The following CRPPA variants were observed in gnomAD, a reference collection of about 807,000 sequenced individuals.
The protein encoded by CRPPA is CDP-L-ribitol pyrophosphorylase A, also known as D-ribitol-5-phosphate cytidylyltransferase.
CRPPA carries 43 observed loss-of-function variants against 52.0 expected under a neutral mutation model. The observed-to-expected ratio is 0.83, with a 90% CI of 0.65 to 1.07. CRPPA has a LOEUF of 1.07. CRPPA is among the 50% of genes least tolerant of loss of function. The pLI is 0.00. For synonymous variants in CRPPA, 250 were observed against 203.5 expected (o/e 1.23, Z -1.94); for missense variants, 629 against 551.7 (o/e 1.14, Z -1.40).
chr7:16,312,093 T>C (rs761266643), intron 3 of CRPPA, among the ~76,000 whole-genome samples: 2 of 152,040 alleles, frequency 1.3e-5, no homozygotes, highest in African/African-American at 2.4e-5. Context: ...AATATTGTGT[T>C]AGCTATTCTA....
At chr7:16,289,538 T>C (rs1784518144) in intron 5 of CRPPA, among the ~76,000 whole-genome samples, 1 of 152,144 alleles carries the variant, frequency 6.6e-6, no homozygotes, top group Admixed American at 6.5e-5. Flanking sequence ...TGCAAATCCA[T>C]AAATGTGATA....
chr7:16,127,172 C>T (rs1427017507), intron 9 of CRPPA, among the ~76,000 whole-genome samples: 2 of 151,900 alleles, frequency 1.3e-5, no homozygotes, highest in African/African-American at 4.8e-5. Flanking sequence ...AATTAGATGC[C>T]AAAAAGCATT....
intron 3 of CRPPA, among the ~76,000 whole-genome samples, chr7:16,326,655 G>C (rs1042368168): frequency 5.3e-5 from 8 of 152,180 alleles, no homozygotes; most frequent in Admixed American, 5.2e-4. Context: ...AAGAGATTCA[G>C]TACCTATCTA....
At chr7:16,394,871 TCC>T (rs1319977266) in intron 2 of CRPPA, among the ~76,000 whole-genome samples, 1 of 152,186 alleles carries the variant, frequency 6.6e-6, no homozygotes, top group Non-Finnish European at 1.5e-5. Context: ...GCTGACTCCA[TCC>T]CTTGCCTTGC....
intron 9 of CRPPA, among the ~76,000 whole-genome samples, chr7:16,139,989 A>T (rs1782836404): frequency 6.6e-6 from 1 of 152,080 alleles, no homozygotes; most frequent in Non-Finnish European, 1.5e-5. Flanking sequence ...TAAGATTACT[A>T]GTATCTTGCC....
chr7:16,141,559 A>G (rs1459267863), intron 9 of CRPPA, among the ~76,000 whole-genome samples: 1 of 152,228 alleles, frequency 6.6e-6, no homozygotes, highest in Non-Finnish European at 1.5e-5. Context: ...TAAAGGGCAT[A>G]TCAAGAAGGC....
intron 2 of CRPPA, among the ~76,000 whole-genome samples, chr7:16,401,655 T>TAA (rs1233432031): frequency 6.6e-6 from 1 of 152,222 alleles, no homozygotes; most frequent in Non-Finnish European, 1.5e-5. Context: ...TGGTCCTTCT[T>TAA]AAAATTATTC....
At chr7:16,254,878 C>T (rs1398769238) in intron 8 of CRPPA, among the ~76,000 whole-genome samples, 1 of 150,816 alleles carries the variant, frequency 6.6e-6, no homozygotes, top group African/African-American at 2.5e-5. Context: ...AAGAGGCAGG[C>T]ACAAGATAAG....
chr7:16,331,802 A>T (rs1785558456), intron 3 of CRPPA, among the ~76,000 whole-genome samples: 1 of 152,218 alleles, frequency 6.6e-6, no homozygotes, highest in African/African-American at 2.4e-5. Flanking sequence ...TGAAAGTGAG[A>T]AGTAAAGATA....
chr7:16,138,783 A>C (rs1396877015), intron 9 of CRPPA, among the ~76,000 whole-genome samples: 1 of 151,926 alleles, frequency 6.6e-6, no homozygotes, highest in Non-Finnish European at 1.5e-5. Flanking sequence ...TTACCCCCCC[A>C]CACATTATTT....
intron 3 of CRPPA, among the ~76,000 whole-genome samples, chr7:16,365,508 G>A (rs949606195): frequency 1.3e-5 from 2 of 152,150 alleles, no homozygotes; most frequent in Non-Finnish European, 2.9e-5. Flanking sequence ...AGTATCACAG[G>A]AGACAGTGAA....
At chr7:16,345,552 T>C (rs1372863343) in intron 3 of CRPPA, among the ~76,000 whole-genome samples, 1 of 152,190 alleles carries the variant, frequency 6.6e-6, no homozygotes, top group Non-Finnish European at 1.5e-5. Flanking sequence ...GTAAACAGTG[T>C]ATAAATATGC....
rs996542143 is a variant in CRPPA, at chr7:16,158,392, G to A, written c.1251+57674C>T. Among the ~76,000 whole-genome samples the A allele has an allele frequency of 2.6e-5, 4 of 151,968 alleles. No individual in the cohort carries two copies. The East Asian group carries it at 7.7e-4, about 29-fold the overall frequency. The stretch of plus-strand genomic sequence containing the variant: ...ACAATATGTAGCAGCAAATATTTAT[G>A]AATAAATTTCTAATGAAATTTCTAA... On this transcript the variant is annotated intron_variant, in intron 9 of 9. Coordinates refer to ENST00000407010, the MANE Select transcript of CRPPA (RefSeq NM_001101426.4).
At chr7:16,168,403 A>C (rs1781110426) in intron 9 of CRPPA, among the ~76,000 whole-genome samples, 1 of 152,134 alleles carries the variant, frequency 6.6e-6, no homozygotes, top group Non-Finnish European at 1.5e-5. Context: ...ACTAAATTGA[A>C]ATAGATTTAT....
rs1385245042 is a variant in CRPPA at position 16,089,803 on chromosome 7, A to T, written c.*1892T>A. ...GAGATAAATTCTTGTCTGCTGTAGG[A>T]TTCCTTAAGCTGAAGTCTATGTTAA... On this transcript the variant is annotated 3_prime_UTR_variant, in exon 10 of 10. Transcript: ENST00000407010. 1 of 174,584 alleles carries T rather than the reference A, an allele frequency of 5.7e-6. No homozygotes were observed. Among genetic ancestry groups the T allele is most frequent in the East Asian group, 1.5e-4 (1 of 6,810 alleles). 10.8% of individuals were successfully genotyped at this position (174,584 alleles called of 1,614,324 possible). A position where few individuals can be genotyped will look rare whatever the true frequency, so the allele number is the denominator to read the frequency against.
chr7:16,175,363 T>G (rs2128386267), intron 9 of CRPPA, among the ~76,000 whole-genome samples: 1 of 152,308 alleles, frequency 6.6e-6, no homozygotes, highest in South Asian at 2.1e-4. Context: ...GTTAAAGTGA[T>G]TCCACTTTTA....
At chr7:16,412,372 G>GT (rs1264559899) in intron 1 of CRPPA, among the ~76,000 whole-genome samples, 2 of 152,282 alleles carry the variant, frequency 1.3e-5, no homozygotes, top group African/African-American at 4.8e-5. Flanking sequence ...TCAAATGTGC[G>GT]TGAGTATATA....
intron 8 of CRPPA, among the ~76,000 whole-genome samples, chr7:16,252,027 T>A (rs890225076): frequency 2.0e-5 from 3 of 151,774 alleles, no homozygotes; most frequent in African/African-American, 7.3e-5. Context: ...ATAGACACAA[T>A]AAAAAATGAT....
intron 9 of CRPPA, among the ~76,000 whole-genome samples, chr7:16,154,973 CTTTTTTT>C (rs11363510): frequency 1.7e-4 from 22 of 127,012 alleles, no homozygotes; most frequent in African/African-American, 6.5e-4. Context: ...CTAATTTTTT[CTTTTTTT>C]TTTTTTTTTT....
Sources: gnomAD v4.1 joint callset for allele counts (sites outside exome capture counted in the v4.1 genomes callset) on GRCh38, gnomAD v4.1.1 for gene constraint, MANE v1.5 for transcripts, NCBI Gene and HGNC (gene_info 2026-07-23, HGNC 2026-07-21) for gene names.